MRC2: variants seen among roughly 807,000 people sequenced by gnomAD.
MRC2 encodes C-type mannose receptor 2.
Under a neutral mutation model 206.2 loss-of-function variants are expected in MRC2, and 84 were observed. The ratio of observed to expected loss-of-function variants is 0.41; its 90% CI spans 0.34 to 0.49. The LOEUF is 0.49. Ranked by LOEUF, MRC2 falls within the 20% of genes least tolerant of loss-of-function variation. The pLI is 0.31. For missense variants in MRC2, 1,676 were observed against 2,001.5 expected (o/e 0.84, Z 3.10); for synonymous variants, 798 against 800.0 (o/e 1.00, Z 0.04).
In MRC2 at chr17:62,682,390, A is replaced by G. The variant is rs753523924; in HGVS notation, c.2946+13A>G. ...GTTCCTCAACAAGGTAGGAGGTGGC[A>G]ATGGGGCACCCAAGGGAGTCAGGGG... On this transcript the variant is annotated intron_variant, in intron 20 of 29. Transcript: ENST00000303375. 3 of 1,601,514 alleles carry G rather than the reference A, an allele frequency of 1.9e-6. No individual in the cohort carries two copies. The African/African-American group carries it at 4.0e-5, about 22-fold the overall frequency.
intron 2 of MRC2, among the ~76,000 whole-genome samples, chr17:62,665,785 C>T (rs568228154): frequency 2.0e-5 from 3 of 152,302 alleles, no homozygotes; most frequent in Non-Finnish European, 2.9e-5. Context: ...GAGATTCCAC[C>T]GGGCTCAGCC....
At chr17:62,636,463 T>A (rs1252882691) in intron 1 of MRC2, among the ~76,000 whole-genome samples, 2,993 of 26,154 alleles carry the variant, frequency 0.11, 157 homozygotes, top group East Asian at 0.47. Flanking sequence ...ATCTTCTGAT[T>A]TTTTTTTTTT....
chr17:62,680,116 G>T lies in MRC2; in HGVS notation c.2299-54G>T. On this transcript the variant is annotated intron_variant, in intron 14 of 29. Coordinates refer to ENST00000303375, the MANE Select transcript of MRC2 (RefSeq NM_006039.5). The surrounding 1 kb of genome is among the most constrained non-coding windows in gnomAD (Gnocchi z 4.8). ...CTTGTTCACCTGTTCCGGGCATGGG[G>T]GCGGCCTGCACCTTGCGCCTCACGT... 6.2e-7 allele frequency: 1 copy of T among 1,608,750 alleles called. No homozygotes were observed. Among genetic ancestry groups the T allele is most frequent in the South Asian group, 1.1e-5 (1 of 90,400 alleles).
Position 62,628,544 on chromosome 17 carries a change from A to G in MRC2, c.118+624A>G, listed in dbSNP as rs181894609. 3.0e-3 allele frequency among the ~76,000 whole-genome samples: 451 copies of G among 152,318 alleles called. 4 individuals are homozygous for G. The highest frequency in any genetic ancestry group is 0.01 in the African/African-American group (422 of 41,574). ...GAGGCTCCTGCCACTGGGACGCAGC[A>G]ACAGGCTGGGCGCCGCCGTGCTGTG... On this transcript the variant is annotated intron_variant, in intron 1 of 29. Transcript: ENST00000303375.
Position 62,673,841 on chromosome 17 carries a change from T to C in MRC2, c.1462-222T>C, listed in dbSNP as rs750237457. On this transcript the variant is annotated intron_variant, in intron 8 of 29. Coordinates refer to ENST00000303375, the MANE Select transcript of MRC2 (RefSeq NM_006039.5). ...CCTTTCCCATTTAGACAATGCTTGT[T>C]AAGTTTCAAGGCGTTTGCACATGAA... Among the ~76,000 whole-genome samples, 36 of 152,288 alleles carry C rather than the reference T, an allele frequency of 2.4e-4. No homozygotes were observed. The Middle Eastern group carries it at 0.014, about 58-fold the overall frequency.
intron 26 of MRC2, 37 bp downstream of exon 26, chr17:62,690,342 G>T: frequency 6.3e-7 from 1 of 1,576,576 alleles, no homozygotes. Flanking sequence ...ATGGCGGGCA[G>T]GTGGCACCTC....
intron 20 of MRC2, among the ~76,000 whole-genome samples, chr17:62,684,754 C>T (rs2089011381): frequency 6.6e-6 from 1 of 152,212 alleles, no homozygotes; most frequent in South Asian, 2.1e-4. Context: ...TTAGTTAACA[C>T]TGAATAATAT....
chr17:62,631,916 A>G (rs2465411), intron 1 of MRC2, among the ~76,000 whole-genome samples: 78,431 of 151,908 alleles, frequency 0.52, 22,027 homozygotes, highest in East Asian at 0.82. Context: ...GCCATGGCCT[A>G]TTCTTTATTT....
chr17:62,670,277 G>A (rs915174599), intron 6 of MRC2, among the ~76,000 whole-genome samples: 1 of 152,224 alleles, frequency 6.6e-6, no homozygotes, highest in Non-Finnish European at 1.5e-5. Flanking sequence ...GCTCCCTTCC[G>A]GTCCTTGAGG....
chr17:62,680,794 C>CT lies in MRC2; in HGVS notation c.2474-5dup. 6.2e-7 allele frequency: 1 copy of CT among 1,606,360 alleles called. No individual in the cohort carries two copies. The highest frequency in any genetic ancestry group is 2.2e-5 in the East Asian group (1 of 44,708). On this transcript the variant is annotated splice_polypyrimidine_tract_variant and splice_region_variant and intron_variant, in intron 16 of 29. Transcript: ENST00000303375. The surrounding 1 kb of genome is among the most constrained non-coding windows in gnomAD (Gnocchi z 4.8). ...CGCCGCTCCCACGCCCGCGCTGCTC[C>CT]TGCAGGCCGACGGGAATGGCTGCGC... is the stretch of plus-strand genomic sequence containing the variant.
rs2088946892 is a variant in MRC2 at position 62,680,286 on chromosome 17, C to T, written c.2415C>T (p.Asp805=). The change falls in exon 15 of 30, where the codon GAC becomes GAT. Residue 805 remains aspartate (D), a synonymous_variant. Transcript: ENST00000303375. The surrounding 1 kb of genome is among the most constrained non-coding windows in gnomAD (Gnocchi z 4.8). ...WVAMQCDTQL[D]WICKIPRGTD... ...CCATGCAGTGCGACACACAGCTGGA[C>T]TGGATCTGCAAGATCCCCAGAGGTT... 1 of 1,613,930 alleles carries T rather than the reference C, an allele frequency of 6.2e-7. No individual in the cohort carries two copies. Among genetic ancestry groups the T allele is most frequent in the East Asian group, 2.2e-5 (1 of 44,882 alleles).
At chr17:62,668,846 C>G (rs1169994269) in intron 6 of MRC2, among the ~76,000 whole-genome samples, 1 of 152,172 alleles carries the variant, frequency 6.6e-6, no homozygotes, top group Non-Finnish European at 1.5e-5. Context: ...CTGCCCCTTA[C>G]TGCTGTGTGG....
intron 1 of MRC2, among the ~76,000 whole-genome samples, chr17:62,657,910 CCCCCTGA>C (rs1195411920): frequency 6.6e-6 from 1 of 152,098 alleles, no homozygotes; most frequent in Non-Finnish European, 1.5e-5. Context: ...CTCTCAAGAA[CCCCCTGA>C]CCCCGGCTTG....
chr17:62,635,675 A>C (rs2088304824), intron 1 of MRC2, among the ~76,000 whole-genome samples: 2 of 152,170 alleles, frequency 1.3e-5, no homozygotes, highest in African/African-American at 4.8e-5. Context: ...TGGGCCAGGC[A>C]TGGTGGCTCA....
chr17:62,674,120 G>T lies in MRC2; in HGVS notation c.1519G>T (p.Ala507Ser), dbSNP rs774919281. 3 of 1,555,918 alleles carry T rather than the reference G, an allele frequency of 1.9e-6. No homozygotes were observed. The highest frequency in any genetic ancestry group is 2.6e-6 in the Non-Finnish European group (3 of 1,149,558). The change falls in exon 9 of 30, where the codon GCA (alanine) becomes TCA (serine). Residue 507 changes from alanine to serine, a missense_variant. Transcript: ENST00000303375. ...NQSLPSICKK[A>S]GQLSQGAAEE... ...GTCCTTGCCATCCATCTGCAAGAAG[G>T]CAGGCCAGCTGAGCCAGGGGGCCGC...
At chr17:62,643,372 A>T (rs2088434255) in intron 1 of MRC2, among the ~76,000 whole-genome samples, 1 of 151,856 alleles carries the variant, frequency 6.6e-6, no homozygotes, top group Admixed American at 6.6e-5. Context: ...AAAAGAAAAT[A>T]CCAAAATAAA....
intron 1 of MRC2, among the ~76,000 whole-genome samples, chr17:62,651,592 C>T (rs2429392): frequency 0.66 from 100,326 of 152,000 alleles, 33,297 homozygotes; most frequent in East Asian, 0.81. Context: ...TCCTTCTTTA[C>T]GGAGACGAGT....
chr17:62,664,819 G>A lies in MRC2; in HGVS notation c.390G>A (p.Leu130=). ...ATTGTCGTACACTGGGTGACCAGCT[G>A]TCCTTGCTCCTGGGGGCCCGCACCA... ...RWHCRTLGDQ[L]SLLLGARTSN... is the part of the protein sequence containing the mutation. The change falls in exon 2 of 30, where the codon CTG becomes CTA. Residue 130 remains leucine, a synonymous_variant. Transcript: ENST00000303375. This position sits in a 1 kb window ranked among gnomAD's most constrained non-coding sequence, Gnocchi z 4.7. 1 of 1,613,882 alleles carries A rather than the reference G, an allele frequency of 6.2e-7. No homozygotes were observed. The highest frequency in any genetic ancestry group is 8.5e-7 in the Non-Finnish European group (1 of 1,180,028).
At chr17:62,689,319 C>G (rs1280434843) in intron 23 of MRC2, 2 of 581,216 alleles carry the variant, frequency 3.4e-6, no homozygotes, top group Non-Finnish European at 6.1e-6. Flanking sequence ...GAGGTCAAGG[C>G]CCTCACCTCC....
Sources: allele counts gnomAD v4.1 joint callset (sites outside exome capture counted in the v4.1 genomes callset), GRCh38; gene constraint gnomAD v4.1.1; non-coding constraint Gnocchi (gnomAD v3.1); transcripts MANE v1.5; gene names NCBI Gene and HGNC (gene_info 2026-07-23, HGNC 2026-07-21).